Variants in RARS2 observed in about 807,000 individuals in gnomAD.
RARS2 encodes arginyl-tRNA synthetase 2, mitochondrial.
In RARS2, 67 loss-of-function variants were observed where a neutral mutation model predicts 88.5. That is an observed-to-expected ratio of 0.76 (90% CI 0.62 to 0.93). The LOEUF is 0.93. Ranked by LOEUF, RARS2 falls within the 40% of genes least tolerant of loss-of-function variation. The pLI, the probability that RARS2 is intolerant of heterozygous loss-of-function variation, is 0.00. For synonymous variants in RARS2, 239 were observed against 230.3 expected, an observed-to-expected ratio of 1.04 and a Z score of -0.34; for missense variants, 664 against 684.2, an observed-to-expected ratio of 0.97 and a Z score of 0.33.
rs190684959 is a variant in RARS2 at position 87,564,382 on chromosome 6, G to A, written c.111-150C>T. 8.5e-5 allele frequency: 59 copies of A among 690,450 alleles called. 2 individuals carry two copies. The highest frequency in any genetic ancestry group is 6.0e-4 in the South Asian group (36 of 60,242). The allele number at this position is 690,450 out of a possible 1,614,324, so 42.8% of individuals were successfully genotyped here. On this transcript the variant is annotated intron_variant, in intron 2 of 19. Coordinates refer to ENST00000369536, the MANE Select transcript of RARS2 (RefSeq NM_020320.5). Reference sequence around the variant, plus strand: ...TTTCAAAATTAAAAGCAAGGGGGCCGAGAGCGGTGGCTCATGCCTGTAATC... The same window carrying A: ...TTTCAAAATTAAAAGCAAGGGGGCCAAGAGCGGTGGCTCATGCCTGTAATC...
intron 1 of RARS2, among the ~76,000 whole-genome samples, chr6:87,588,459 G>C (rs1174220253): frequency 1.3e-5 from 2 of 151,998 alleles, no homozygotes; most frequent in East Asian, 1.9e-4. Context: ...CTTCAAACTC[G>C]TGGGTCCGTC....
Position 87,549,313 on chromosome 6 carries a change from G to A in RARS2, c.396-667C>T, listed in dbSNP as rs187822030. Among the ~76,000 whole-genome samples, 6 of 151,718 alleles carry A rather than the reference G, an allele frequency of 4.0e-5. No individual in the cohort carries two copies. In the East Asian group the frequency reaches 5.8e-4, roughly 15 times the overall value. ...GGAGGTTGCAGTGAGCCGAGATCACGACATTGTACTCTAGTCTGGGTGATG... is the reference window on the plus strand; with the variant it reads ...GGAGGTTGCAGTGAGCCGAGATCACAACATTGTACTCTAGTCTGGGTGATG... On this transcript the variant is annotated intron_variant, in intron 5 of 19. Coordinates refer to ENST00000369536, the MANE Select transcript of RARS2 (RefSeq NM_020320.5).
chr6:87,545,660 T>C lies in RARS2; in HGVS notation c.491A>G (p.Gln164Arg), dbSNP rs1194787776. 2 of 1,613,610 alleles carry C rather than the reference T, an allele frequency of 1.2e-6. No homozygotes were observed. The highest frequency in any genetic ancestry group is 8.5e-7 in the Non-Finnish European group (1 of 1,179,874). ...GCCAAGGTAATTTATTCTTATTACT[T>C]GATGTCCTAAAGCTTCTTTGAGATT... The part of the protein sequence containing the change: ...IANLKEALGH[Q>R]VIRINYLGDW... The change falls in exon 7 of 20, where the codon CAA becomes CGA. Residue 164 changes from glutamine (Q) to arginine (R), a missense_variant. Gln to Arg is a conservative substitution (Grantham distance 43). Transcript: ENST00000369536.
intron 10 of RARS2, among the ~76,000 whole-genome samples, chr6:87,525,467 C>T (rs1362512909): frequency 1.3e-5 from 2 of 151,732 alleles, no homozygotes; most frequent in East Asian, 3.9e-4. Context: ...CCTGAAGAAT[C>T]CGCCAAAAAC....
intron 18 of RARS2, 133 bp downstream of exon 18, chr6:87,516,673 A>T: frequency 7.8e-7 from 1 of 1,278,688 alleles, no homozygotes; most frequent in Non-Finnish European, 1.1e-6. Context: ...TAATTTGTAT[A>T]GATGAAGCAA....
At chr6:87,546,727 T>C (rs555811748) in intron 6 of RARS2, among the ~76,000 whole-genome samples, 15 of 152,166 alleles carry the variant, frequency 9.9e-5, no homozygotes, top group Non-Finnish European at 1.9e-4. Context: ...CTACAATAAA[T>C]CCTCTTCTGC....
At chr6:87,556,511 G>T (rs973814351) in intron 4 of RARS2, among the ~76,000 whole-genome samples, 2 of 151,854 alleles carry the variant, frequency 1.3e-5, no homozygotes, top group Non-Finnish European at 2.9e-5. Flanking sequence ...TTTTGGAAGG[G>T]CACAGTGGAT....
chr6:87,519,179 T>TCAG, intron 14 of RARS2: 1 of 233,184 alleles, frequency 4.3e-6, no homozygotes, highest in South Asian at 4.8e-5. Flanking sequence ...TATATATAAA[T>TCAG]ATATATGTGT....
At chr6:87,521,715 AAAC>A (rs1260289286) in intron 11 of RARS2, among the ~76,000 whole-genome samples, 191 bp from the exon 12 acceptor site, 2 of 152,206 alleles carry the variant, frequency 1.3e-5, no homozygotes, top group South Asian at 2.1e-4. Flanking sequence ...GGTTTGGGAA[AAAC>A]AACAATAAAA....
chr6:87,586,852 C>G (rs899887222), intron 1 of RARS2, among the ~76,000 whole-genome samples: 1 of 151,918 alleles, frequency 6.6e-6, no homozygotes, highest in Non-Finnish European at 1.5e-5. Flanking sequence ...ACCTGTTGAG[C>G]ATCCCTAAAC....
intron 5 of RARS2, among the ~76,000 whole-genome samples, chr6:87,552,786 T>C (rs1485761882): frequency 6.6e-6 from 1 of 151,898 alleles, no homozygotes; most frequent in Non-Finnish European, 1.5e-5. Flanking sequence ...AGGTAAGTAA[T>C]GGTGGCAACT....
intron 1 of RARS2, among the ~76,000 whole-genome samples, chr6:87,585,291 G>C (rs1774796244): frequency 6.6e-6 from 1 of 152,156 alleles, no homozygotes; most frequent in Non-Finnish European, 1.5e-5. Flanking sequence ...AATAAGACAT[G>C]TTCTGTCTTC....
chr6:87,576,528 G>A (rs1771628357), intron 1 of RARS2, among the ~76,000 whole-genome samples: 1 of 147,722 alleles, frequency 6.8e-6, no homozygotes, highest in South Asian at 2.2e-4. Context: ...CGCCCGCCTC[G>A]GCCTCCCAAA....
intron 19 of RARS2, 76 bp downstream of exon 19, chr6:87,514,881 A>G (rs1771032549): frequency 1.6e-6 from 2 of 1,276,992 alleles, no homozygotes; most frequent in Non-Finnish European, 2.3e-6. Flanking sequence ...CTATTTTAGA[A>G]AAATTTACAA....
At chr6:87,553,408 A>C (rs940403541) in intron 5 of RARS2, among the ~76,000 whole-genome samples, 1 of 152,190 alleles carries the variant, frequency 6.6e-6, no homozygotes, top group African/African-American at 2.4e-5. Context: ...TTAAAACACT[A>C]ATCAGAAGCT....
At chr6:87,548,799 T>C (rs1783433804) in intron 5 of RARS2, among the ~76,000 whole-genome samples, 153 bp from the exon 6 acceptor site, 1 of 152,226 alleles carries the variant, frequency 6.6e-6, no homozygotes, top group Admixed American at 6.5e-5. Flanking sequence ...AGAGCAAAGA[T>C]AAATTAGAAC....
At chr6:87,544,778 C>T (rs910284258) in intron 7 of RARS2, among the ~76,000 whole-genome samples, 6 of 140,722 alleles carry the variant, frequency 4.3e-5, no homozygotes, top group South Asian at 2.3e-4. Context: ...CTGTTTGGAT[C>T]GCACTCCTCT....
At chr6:87,551,635 A>AAAAAAG in intron 5 of RARS2, among the ~76,000 whole-genome samples, 1 of 150,886 alleles carries the variant, frequency 6.6e-6, no homozygotes, top group African/African-American at 2.4e-5. Flanking sequence ...ACAAAAAAAA[A>AAAAAAG]AAAAAAAAAA....
chr6:87,519,004 G>A, intron 14 of RARS2, 113 bp from the exon 15 acceptor site: 2 of 1,031,096 alleles, frequency 1.9e-6, no homozygotes, highest in Non-Finnish European at 3.0e-6. Context: ...AACAGATTCA[G>A]AATGAGTAAT....
Sources: gnomAD v4.1 joint callset for allele counts (sites outside exome capture counted in the v4.1 genomes callset) on GRCh38, gnomAD v4.1.1 for gene constraint, MANE v1.5 for transcripts, NCBI Gene and HGNC (gene_info 2026-07-23, HGNC 2026-07-21) for gene names.